Variants in TNFSF4 observed in about 807,000 individuals in gnomAD.
TNFSF4 encodes tumor necrosis factor ligand superfamily member 4.
In TNFSF4, 4 loss-of-function variants were observed where a neutral mutation model predicts 7.3. That is an observed-to-expected ratio of 0.55 (90% CI 0.27 to 1.25). The LOEUF (loss-of-function observed/expected upper bound fraction) is 1.25, where lower values mean the gene tolerates loss of function less well. Ranked by LOEUF, TNFSF4 falls within the 50% of genes most tolerant of loss-of-function variation. TNFSF4 has a pLI of 0.12. For missense variants in TNFSF4, 181 were observed against 208.8 expected (o/e 0.87, Z 0.82); for synonymous variants, 76 against 83.7 (o/e 0.91, Z 0.50).
the TNFSF4 span, among the ~76,000 whole-genome samples, chr1:173,339,215 C>CA: frequency 1.3e-5 from 2 of 151,792 alleles, no homozygotes; most frequent in South Asian, 2.1e-4. Flanking sequence ...CTCATCTCTA[C>CA]AAAAAAAATT....
At chr1:173,412,319 G>A in the TNFSF4 span, among the ~76,000 whole-genome samples, 1 of 152,052 alleles carries the variant, frequency 6.6e-6, no homozygotes, top group African/African-American at 2.4e-5. Context: ...TTCGTTTCTG[G>A]CTCAGCCTCA....
the TNFSF4 span, among the ~76,000 whole-genome samples, chr1:173,218,618 C>T: frequency 1.3e-5 from 2 of 152,058 alleles, no homozygotes; most frequent in African/African-American, 4.8e-5. Context: ...AAAAAAAATT[C>T]CCTACTTCTA....
At chr1:173,214,605 G>A in the TNFSF4 span, among the ~76,000 whole-genome samples, 1 of 152,176 alleles carries the variant, frequency 6.6e-6, no homozygotes. Context: ...TTGCAAAAAT[G>A]TCTCATAATG....
At chr1:173,304,939 T>C in the TNFSF4 span, among the ~76,000 whole-genome samples, 1 of 151,998 alleles carries the variant, frequency 6.6e-6, no homozygotes, top group African/African-American at 2.4e-5. Context: ...TGTTAAAGAA[T>C]TGGTGGACAT....
chr1:173,341,220 C>G, the TNFSF4 span, among the ~76,000 whole-genome samples: 1 of 152,094 alleles, frequency 6.6e-6, no homozygotes, highest in Non-Finnish European at 1.5e-5. Flanking sequence ...AGCATGAGAA[C>G]AGAATAATAC....
At chr1:173,427,825 C>T in the TNFSF4 span, among the ~76,000 whole-genome samples, 1 of 152,120 alleles carries the variant, frequency 6.6e-6, no homozygotes, top group African/African-American at 2.4e-5. Context: ...GTACTGAAAA[C>T]TGTAGGCGAC....
At chr1:173,387,216 C>G in the TNFSF4 span, among the ~76,000 whole-genome samples, 1 of 152,112 alleles carries the variant, frequency 6.6e-6, no homozygotes, top group Admixed American at 6.5e-5. Flanking sequence ...GTTTGTGTTC[C>G]CTTCAAAATT....
the TNFSF4 span, among the ~76,000 whole-genome samples, chr1:173,239,661 T>C: frequency 2.6e-5 from 4 of 152,136 alleles, no homozygotes; most frequent in South Asian, 8.3e-4. Flanking sequence ...GCACTCCAAG[T>C]TTCTTTCTGC....
the TNFSF4 span, among the ~76,000 whole-genome samples, chr1:173,323,221 A>G: frequency 2.6e-5 from 4 of 152,218 alleles, no homozygotes; most frequent in Non-Finnish European, 4.4e-5. Flanking sequence ...CAGCACTTGC[A>G]GTTCACCAAT....
chr1:173,426,589 A>AT, the TNFSF4 span, among the ~76,000 whole-genome samples: 1 of 151,912 alleles, frequency 6.6e-6, no homozygotes, highest in Admixed American at 6.6e-5. Flanking sequence ...CCATGGGTTC[A>AT]TTTTTTAAAT....
At chr1:173,345,544 T>C in the TNFSF4 span, among the ~76,000 whole-genome samples, 3 of 152,346 alleles carry the variant, frequency 2.0e-5, no homozygotes, top group South Asian at 2.1e-4. Flanking sequence ...AATAGGATTC[T>C]GGCTAAACTG....
the TNFSF4 span, among the ~76,000 whole-genome samples, chr1:173,217,590 T>C: frequency 3.3e-5 from 5 of 152,222 alleles, no homozygotes; most frequent in Non-Finnish European, 7.3e-5. Context: ...ATTTATACCA[T>C]GGAAATTGGT....
chr1:173,405,115 T>G, the TNFSF4 span, among the ~76,000 whole-genome samples: 1 of 152,228 alleles, frequency 6.6e-6, no homozygotes, highest in Non-Finnish European at 1.5e-5. Flanking sequence ...GATTTCTGTC[T>G]GTTTTGCTCA....
At chr1:173,368,556 G>A in the TNFSF4 span, among the ~76,000 whole-genome samples, 2 of 152,182 alleles carry the variant, frequency 1.3e-5, no homozygotes, top group Admixed American at 6.5e-5. Flanking sequence ...CGGGTGTCAG[G>A]CTTTCTGGGA....
the TNFSF4 span, among the ~76,000 whole-genome samples, chr1:173,340,829 CCTGT>C: frequency 1.3e-5 from 2 of 151,976 alleles, no homozygotes; most frequent in East Asian, 3.9e-4. Flanking sequence ...AATAAGATGC[CCTGT>C]CTGTGAGTGC....
At chr1:173,447,018 C>G in the TNFSF4 span, among the ~76,000 whole-genome samples, 3 of 152,154 alleles carry the variant, frequency 2.0e-5, no homozygotes, top group Non-Finnish European at 4.4e-5. Flanking sequence ...GACTAATACA[C>G]TGTGGTATAT....
chr1:173,243,617 C>A, the TNFSF4 span, among the ~76,000 whole-genome samples: 4 of 152,236 alleles, frequency 2.6e-5, no homozygotes, highest in Non-Finnish European at 5.9e-5. Context: ...CTAGTCACAA[C>A]TTCCACCTGG....
chr1:173,398,431 T>TTTTTTTTTTTTG, the TNFSF4 span, among the ~76,000 whole-genome samples: 1 of 124,466 alleles, frequency 8.0e-6, no homozygotes. Context: ...TTTTTTTTTT[T>TTTTTTTTTTTTG]GTTCTCTTTT....
chr1:173,347,910 C>T, the TNFSF4 span, among the ~76,000 whole-genome samples: 1 of 152,124 alleles, frequency 6.6e-6, no homozygotes, highest in Non-Finnish European at 1.5e-5. Flanking sequence ...AGTGTGACAA[C>T]CAAAAATGCC....
Sources: gnomAD v4.1 joint callset for allele counts (sites outside exome capture counted in the v4.1 genomes callset) on GRCh38, gnomAD v4.1.1 for gene constraint, MANE v1.5 for transcripts, NCBI Gene and HGNC (gene_info 2026-07-23, HGNC 2026-07-21) for gene names.